Variants in DACH2 observed in about 807,000 individuals in gnomAD.
DACH2 encodes dachshund family transcription factor 2.
DACH2 carries 17 observed loss-of-function variants against 35.8 expected under a neutral mutation model. That is an observed-to-expected ratio of 0.48 (90% CI 0.33 to 0.71). The LOEUF is 0.71. Among genes scored for constraint, DACH2 ranks in the 30% least tolerant of loss-of-function variants. DACH2 has a pLI of 0.02. For synonymous variants in DACH2, 195 were observed against 177.3 expected (o/e 1.10, Z -0.79); for missense variants, 469 against 472.7 (o/e 0.99, Z 0.07).
intron 1 of DACH2, among the ~76,000 whole-genome samples, chrX:86,311,457 T>C (rs2034798015): frequency 9.0e-6 from 1 of 111,727 alleles, no homozygotes; most frequent in African/African-American, 3.3e-5. Context: ...GACAATGCTC[T>C]GCCAGGCTGG....
At chrX:86,608,027 C>T (rs1210276923) in intron 3 of DACH2, among the ~76,000 whole-genome samples, 1 of 107,050 alleles carries the variant, frequency 9.3e-6, no homozygotes, top group South Asian at 4.3e-4. Flanking sequence ...CAAGTCTTTG[C>T]TATTGTGAAT....
chrX:86,348,068 A>G (rs2035526828), intron 1 of DACH2, among the ~76,000 whole-genome samples: 1 of 111,657 alleles, frequency 9.0e-6, no homozygotes, highest in Admixed American at 9.5e-5. Context: ...ACCACCCGTT[A>G]TAATGAATGC....
At chrX:86,260,105 T>A (rs2033598669) in intron 1 of DACH2, among the ~76,000 whole-genome samples, 1 of 111,052 alleles carries the variant, frequency 9.0e-6, no homozygotes, top group African/African-American at 3.3e-5. Context: ...CTGTCTATAC[T>A]CTTTTTTTGC....
intron 2 of DACH2, among the ~76,000 whole-genome samples, chrX:86,461,311 G>T: frequency 9.0e-6 from 1 of 111,486 alleles, no homozygotes; most frequent in Non-Finnish European, 1.9e-5. Context: ...ATTCTTTAGT[G>T]AATAAATTCT....
At chrX:86,312,540 C>A (rs1881685952) in intron 1 of DACH2, among the ~76,000 whole-genome samples, 1 of 111,100 alleles carries the variant, frequency 9.0e-6, no homozygotes, top group South Asian at 3.8e-4. Flanking sequence ...GGGTGTTGCC[C>A]AAAAGTGATT....
At chrX:86,396,084 C>A (rs1001201768) in intron 2 of DACH2, among the ~76,000 whole-genome samples, 1 of 111,921 alleles carries the variant, frequency 8.9e-6, no homozygotes. Flanking sequence ...GCCATTCTAA[C>A]TGGTGTGAGA....
At chrX:86,741,989 A>G (rs903871159) in intron 7 of DACH2, among the ~76,000 whole-genome samples, 1 of 111,198 alleles carries the variant, frequency 9.0e-6, no homozygotes, top group African/African-American at 3.3e-5. Flanking sequence ...AGAAAAAAAT[A>G]TATTTATGAT....
At chrX:86,792,350 C>A (rs758372523) in intron 7 of DACH2, among the ~76,000 whole-genome samples, 7 of 111,864 alleles carry the variant, frequency 6.3e-5, no homozygotes, top group Non-Finnish European at 1.3e-4. Flanking sequence ...TCACCTCTGG[C>A]ATTTGCCATT....
chrX:86,820,020 A>G (rs1338666352), intron 11 of DACH2, among the ~76,000 whole-genome samples: 1 of 111,862 alleles, frequency 8.9e-6, no homozygotes, highest in African/African-American at 3.2e-5. Flanking sequence ...AGGTAAAACA[A>G]AAACAGAATA....
At chrX:86,782,715 G>A (rs1435873022) in intron 7 of DACH2, among the ~76,000 whole-genome samples, 1 of 111,678 alleles carries the variant, frequency 9.0e-6, no homozygotes, top group Admixed American at 9.6e-5. Context: ...GCAGAAGAAT[G>A]AAATATCAGA....
chrX:86,229,567 A>T (rs1035692335), intron 1 of DACH2, among the ~76,000 whole-genome samples: 1 of 111,668 alleles, frequency 9.0e-6, no homozygotes, highest in African/African-American at 3.3e-5. Context: ...CTGTATGGTC[A>T]TTTTCACAAT....
intron 7 of DACH2, among the ~76,000 whole-genome samples, chrX:86,765,698 G>GT (rs60709865): frequency 0.021 from 518 of 24,669 alleles, 11 homozygotes; most frequent in Non-Finnish European, 0.028. Flanking sequence ...TTGTTTTTTG[G>GT]TTTTTTTTTT....
At chrX:86,324,887 C>T (rs1485325671) in intron 1 of DACH2, among the ~76,000 whole-genome samples, 1 of 110,498 alleles carries the variant, frequency 9.0e-6, no homozygotes. Flanking sequence ...CGTGATCAGT[C>T]AGAAGCCATC....
intron 7 of DACH2, among the ~76,000 whole-genome samples, chrX:86,752,140 G>A (rs950254430): frequency 8.1e-5 from 9 of 111,244 alleles, no homozygotes; most frequent in Non-Finnish European, 1.7e-4. Flanking sequence ...TCACAGGGAC[G>A]TCTAGCCTCC....
chrX:86,402,417 G>A (rs1257005506), intron 2 of DACH2, among the ~76,000 whole-genome samples: 3 of 111,612 alleles, frequency 2.7e-5, no homozygotes, highest in Non-Finnish European at 1.9e-5. Flanking sequence ...TCAGGAACAT[G>A]ATCCCATTTT....
At chrX:86,814,399 A>T (rs1417366974) in intron 9 of DACH2, among the ~76,000 whole-genome samples, 1 of 111,791 alleles carries the variant, frequency 8.9e-6, no homozygotes, top group Non-Finnish European at 1.9e-5. Flanking sequence ...GTAGAAGACA[A>T]TTCTCCACCA....
At chrX:86,581,601 G>A (rs769847402) in intron 3 of DACH2, among the ~76,000 whole-genome samples, 55 of 110,094 alleles carry the variant, frequency 5.0e-4, no homozygotes, top group African/African-American at 1.8e-3. Context: ...TTTACAAAAA[G>A]CAGATTTCAG....
chrX:86,250,097 G>A (rs774370801), intron 1 of DACH2, among the ~76,000 whole-genome samples: 5 of 111,333 alleles, frequency 4.5e-5, no homozygotes, highest in Non-Finnish European at 9.5e-5. Flanking sequence ...TTACCTATCA[G>A]GTAGTATGCT....
intron 4 of DACH2, among the ~76,000 whole-genome samples, chrX:86,661,010 A>C (rs767539521): frequency 1.5e-3 from 164 of 111,468 alleles, no homozygotes; most frequent in African/African-American, 3.7e-3. Flanking sequence ...TCAGATATTA[A>C]CATCACAGTC....
Sources: gnomAD v4.1 joint callset for allele counts (sites outside exome capture counted in the v4.1 genomes callset) on GRCh38, gnomAD v4.1.1 for gene constraint, MANE v1.5 for transcripts, NCBI Gene and HGNC (gene_info 2026-07-23, HGNC 2026-07-21) for gene names.